NAALADL2: variants seen among roughly 807,000 people sequenced by gnomAD.
The protein encoded by NAALADL2 is N-acetylated alpha-linked acidic dipeptidase like 2.
In NAALADL2, 76 loss-of-function variants were observed where a neutral mutation model predicts 87.2. That is an observed-to-expected ratio of 0.87 (90% CI 0.72 to 1.05). The LOEUF (loss-of-function observed/expected upper bound fraction) is 1.05. Among genes scored for constraint, NAALADL2 ranks in the 50% least tolerant of loss-of-function variants. The pLI is 0.00. For missense variants in NAALADL2, 1,089 were observed against 945.8 expected, an observed-to-expected ratio of 1.15 and a Z score of -1.99; for synonymous variants, 354 against 331.0, an observed-to-expected ratio of 1.07 and a Z score of -0.75.
chr3:174,885,934 G>A (rs1229932135), intron 1 of NAALADL2, among the ~76,000 whole-genome samples: 2 of 76,574 alleles, frequency 2.6e-5, no homozygotes, highest in African/African-American at 4.9e-5. Flanking sequence ...TTTTTTTTTA[G>A]ATGGAGTCTC....
In NAALADL2 at chr3:175,016,960, A is replaced by G. The variant is rs184427542; in HGVS notation, c.44-79830A>G. Among the ~76,000 whole-genome samples the G allele has an allele frequency of 7.3e-3, 1,112 of 152,118 alleles. 19 individuals are homozygous for G. Among genetic ancestry groups the G allele is most frequent in the African/African-American group, 0.025 (1,041 of 41,518 alleles). ...TACTAGCTATTTTGAAATGTACAAT[A>G]GATTATTTTTTACTATAGTCACACT... On this transcript the variant is annotated intron_variant, in intron 1 of 13. Transcript: ENST00000454872.
intron 5 of NAALADL2, among the ~76,000 whole-genome samples, chr3:175,429,945 T>G (rs1373340488): frequency 1.3e-5 from 2 of 151,840 alleles, no homozygotes; most frequent in Non-Finnish European, 1.5e-5. Context: ...AATATGAAAT[T>G]TAGGAGACAC....
intron 2 of NAALADL2, among the ~76,000 whole-genome samples, chr3:175,174,344 T>C (rs1355906239): frequency 6.6e-6 from 1 of 152,182 alleles, no homozygotes; most frequent in Non-Finnish European, 1.5e-5. Context: ...CAAACACTTA[T>C]TTTTAGCTAT....
At chr3:175,475,010 CACAA>C (rs1725472741) in intron 9 of NAALADL2, among the ~76,000 whole-genome samples, 2 of 120,906 alleles carry the variant, frequency 1.7e-5, no homozygotes, top group African/African-American at 3.1e-5. Context: ...TTCTTTCATG[CACAA>C]ACATTTAAGT....
At chr3:175,599,876 G>A (rs1365347264) in intron 10 of NAALADL2, among the ~76,000 whole-genome samples, 1 of 151,988 alleles carries the variant, frequency 6.6e-6, no homozygotes, top group African/African-American at 2.4e-5. Flanking sequence ...GTGAATACTT[G>A]AAAGTAATAT....
chr3:175,603,959 C>T (rs1423200920), intron 10 of NAALADL2, among the ~76,000 whole-genome samples: 1 of 152,068 alleles, frequency 6.6e-6, no homozygotes, highest in Non-Finnish European at 1.5e-5. Flanking sequence ...CACCACTGCC[C>T]TCTAGCCTGG....
intron 10 of NAALADL2, among the ~76,000 whole-genome samples, chr3:175,624,382 A>G (rs1726689565): frequency 6.6e-6 from 1 of 152,060 alleles, no homozygotes; most frequent in Non-Finnish European, 1.5e-5. Context: ...AACAAATACT[A>G]ATCACTTATT....
chr3:174,658,011 A>C (rs542334835), intron 2 of NAALADL2, among the ~76,000 whole-genome samples: 1 of 152,276 alleles, frequency 6.6e-6, no homozygotes, highest in South Asian at 2.1e-4. Flanking sequence ...GATATACTAC[A>C]GTTTATTCAT....
intron 4 of NAALADL2, among the ~76,000 whole-genome samples, chr3:175,317,282 T>G (rs1395443756): frequency 6.6e-6 from 1 of 152,104 alleles, no homozygotes; most frequent in African/African-American, 2.4e-5. Flanking sequence ...AAATAGTTAT[T>G]GTACTTACCT....
chr3:174,952,175 T>A (rs892370567), intron 1 of NAALADL2, among the ~76,000 whole-genome samples: 9 of 152,196 alleles, frequency 5.9e-5, no homozygotes, highest in African/African-American at 2.4e-5. Context: ...AATCTGTTCA[T>A]CTTTCTAACA....
At chr3:175,593,970 A>T (rs1041429022) in intron 10 of NAALADL2, among the ~76,000 whole-genome samples, 4 of 138,774 alleles carry the variant, frequency 2.9e-5, no homozygotes, top group African/African-American at 1.0e-4. Flanking sequence ...TTACTTGATC[A>T]TGTTGCTATT....
chr3:175,138,503 C>G (rs1729471432), intron 2 of NAALADL2, among the ~76,000 whole-genome samples: 1 of 151,828 alleles, frequency 6.6e-6, no homozygotes, highest in Non-Finnish European at 1.5e-5. Context: ...TCATTTGTCC[C>G]TGGATGGGAC....
chr3:174,546,769 C>G (rs181609404), intron 1 of NAALADL2, among the ~76,000 whole-genome samples: 1 of 152,118 alleles, frequency 6.6e-6, no homozygotes, highest in Admixed American at 6.6e-5. Context: ...GCAATCCTCC[C>G]GCCTCAGCCT....
At chr3:174,848,697 A>G (rs1339847678) in intron 3 of NAALADL2, among the ~76,000 whole-genome samples, 4 of 152,150 alleles carry the variant, frequency 2.6e-5, no homozygotes, top group Non-Finnish European at 5.9e-5. Context: ...TTGTTTTTGT[A>G]ATGTGTGTTT....
chr3:174,884,294 C>T lies in NAALADL2; in HGVS notation c.43+24844C>T, dbSNP rs1327584625. ...CAGTACCATATGTTGGACGCTGATT[C>T]AGAGCATATGTGACCTTCTGGAGAA... On this transcript the variant is annotated intron_variant, in intron 1 of 13. Coordinates refer to ENST00000454872, the MANE Select transcript of NAALADL2 (RefSeq NM_207015.3). 3.9e-5 allele frequency among the ~76,000 whole-genome samples: 6 copies of T among 152,198 alleles called. No individual in the cohort carries two copies. In the East Asian group the frequency reaches 5.8e-4, roughly 15 times the overall value.
chr3:175,611,393 T>C (rs1400116216), intron 10 of NAALADL2, among the ~76,000 whole-genome samples: 2 of 152,146 alleles, frequency 1.3e-5, no homozygotes, highest in African/African-American at 4.8e-5. Flanking sequence ...GAAACAGTTT[T>C]TCTATTTTTT....
Position 174,901,993 on chromosome 3 carries a change from C to T in NAALADL2, c.43+42543C>T, listed in dbSNP as rs144710894. ...CTGAGAAGAGAATGATGCAATTTGTCTCTAAAACAGTGCCCCTAAAACTAT... is the reference window on the plus strand; with the variant it reads ...CTGAGAAGAGAATGATGCAATTTGTTTCTAAAACAGTGCCCCTAAAACTAT... On this transcript the variant is annotated intron_variant, in intron 1 of 13. Transcript: ENST00000454872. Among the ~76,000 whole-genome samples the T allele has an allele frequency of 2.8e-4, 43 of 152,186 alleles. No individual in the cohort carries two copies. In the East Asian group the frequency reaches 8.1e-3, roughly 29 times the overall value.
In NAALADL2 at chr3:175,721,164, T is replaced by C. The variant is rs536748469; in HGVS notation, c.1897-16142T>C. Among the ~76,000 whole-genome samples the C allele has an allele frequency of 1.1e-4, 17 of 152,236 alleles. 1 individual carries two copies. In the South Asian group the frequency reaches 3.3e-3, roughly 30 times the overall value. ...GGTGGGTGCAGATATTGATTACCTC[T>C]AGACTTTGTTAGTCAACTGAGCTTG... On this transcript the variant is annotated intron_variant, in intron 11 of 13. Coordinates refer to ENST00000454872, the MANE Select transcript of NAALADL2 (RefSeq NM_207015.3).
chr3:175,423,028 A>AAAAAATATATATATATAT (rs1438736874), intron 5 of NAALADL2, among the ~76,000 whole-genome samples: 1 of 111,320 alleles, frequency 9.0e-6, no homozygotes, highest in Non-Finnish European at 1.7e-5. Flanking sequence ...GAAAAAAAAA[A>AAAAAATATATATATATAT]ATATATATAT....
Sources: allele counts gnomAD v4.1 joint callset (sites outside exome capture counted in the v4.1 genomes callset), GRCh38; gene constraint gnomAD v4.1.1; transcripts MANE v1.5; gene names NCBI Gene and HGNC (gene_info 2026-07-23, HGNC 2026-07-21).